HNRNPUL1: variants seen among roughly 807,000 people sequenced by gnomAD.
The protein encoded by HNRNPUL1 is heterogeneous nuclear ribonucleoprotein U-like protein 1.
A neutral mutation model predicts 108.5 loss-of-function variants in HNRNPUL1; 14 were observed. That is an observed-to-expected ratio of 0.13 (90% confidence interval 0.09 to 0.20). The LOEUF (loss-of-function observed/expected upper bound fraction) is 0.20. Among genes scored for constraint, HNRNPUL1 ranks in the 10% least tolerant of loss-of-function variants. HNRNPUL1 has a pLI of 1.00. For synonymous variants in HNRNPUL1, 422 were observed against 445.2 expected (o/e 0.95, Z 0.66); for missense variants, 804 against 1,168.3 (o/e 0.69, Z 4.55).
chr19:41,264,326 A>T (rs12975585), upstream of HNRNPUL1: 181,688 of 480,150 alleles, frequency 0.38, 36,415 homozygotes, highest in African/African-American at 0.58. Flanking sequence ...GCACTCATGT[A>T]ACATCGGACG....
intron 10 of HNRNPUL1, among the ~76,000 whole-genome samples, chr19:41,295,302 C>T (rs897455617): frequency 1.3e-5 from 2 of 152,130 alleles, no homozygotes; most frequent in South Asian, 2.1e-4. Flanking sequence ...GAGTTCTTAA[C>T]ATCAGGGACC....
At chr19:41,277,424 G>A (rs2035632282) in intron 5 of HNRNPUL1, among the ~76,000 whole-genome samples, 1 of 152,232 alleles carries the variant, frequency 6.6e-6, no homozygotes, top group East Asian at 1.9e-4. Context: ...CACCATTGAT[G>A]TAAGTTGTGC....
At chr19:41,274,099 A>G (rs367692751) in intron 4 of HNRNPUL1, 44 bp downstream of exon 4, 17 of 1,526,288 alleles carry the variant, frequency 1.1e-5, no homozygotes, top group Admixed American at 1.7e-5. Context: ...TACAGTCAGT[A>G]TGGGGAAATT....
At chr19:41,272,314 C>T in intron 3 of HNRNPUL1, 79 bp downstream of exon 3, 4 of 1,421,216 alleles carry the variant, frequency 2.8e-6, no homozygotes, top group Non-Finnish European at 3.9e-6. Flanking sequence ...GGGACATTTG[C>T]ACTAACCTAG....
At chr19:41,303,891 A>C in intron 12 of HNRNPUL1, 81 bp from the exon 13 acceptor site, 1 of 1,516,676 alleles carries the variant, frequency 6.6e-7, no homozygotes, top group Non-Finnish European at 8.9e-7. Context: ...GCCGGCTCAC[A>C]GTAGTCACCA....
At chr19:41,305,290 C>T (rs1203613507) in intron 13 of HNRNPUL1, among the ~76,000 whole-genome samples, 2 of 152,230 alleles carry the variant, frequency 1.3e-5, no homozygotes, top group Non-Finnish European at 2.9e-5. Flanking sequence ...ACAACTACCA[C>T]CACCTGTTGA....
At chr19:41,282,382 A>C (rs542249628) in intron 7 of HNRNPUL1, among the ~76,000 whole-genome samples, 293 of 152,162 alleles carry the variant, frequency 1.9e-3, no homozygotes, top group African/African-American at 6.6e-3. Flanking sequence ...GGGTTTCTCC[A>C]TGTTGGTCAG....
At chr19:41,276,581 A>T (rs1443654970) in intron 5 of HNRNPUL1, 5 of 271,842 alleles carry the variant, frequency 1.8e-5, no homozygotes, top group Admixed American at 4.7e-5. Flanking sequence ...ACATGTTTGT[A>T]GAACTGAGAA....
intron 10 of HNRNPUL1, among the ~76,000 whole-genome samples, chr19:41,295,956 T>C (rs1345149665): frequency 6.6e-6 from 1 of 152,192 alleles, no homozygotes; most frequent in African/African-American, 2.4e-5. Context: ...TGAAGATTTG[T>C]CTTTTAAACC....
rs756946285 is a variant in HNRNPUL1 at position 41,272,183 on chromosome 19, C to T, written c.520C>T (p.Pro174Ser). ...DRQQFQSRKR[P>S]YEENRGRGYF... ...GCAGCAATTCCAGAGTCGAAAGAGG[C>T]CTTATGAAGAAAACCGGGGACGGGG... Residue 174 changes from proline (P) to serine (S), a missense_variant, in exon 3 of 15, where the codon CCT becomes TCT. By Grantham distance (74) the Pro-to-Ser change is moderately conservative (BLOSUM62 -1). Around this residue, in one of 4 missense-constraint regions of HNRNPUL1, gnomAD observed 256 missense variants for 261.6 expected, o/e 0.98. Coordinates refer to ENST00000392006, the MANE Select transcript of HNRNPUL1 (RefSeq NM_007040.6). 1 of 1,614,080 alleles carries T rather than the reference C, an allele frequency of 6.2e-7. No individual in the cohort carries two copies. The highest frequency in any genetic ancestry group is 8.5e-7 in the Non-Finnish European group (1 of 1,180,008).
chr19:41,307,730 T>TG lies in HNRNPUL1; in HGVS notation c.*1170dup, dbSNP rs1447365579. 2.6e-5 allele frequency: 4 copies of TG among 152,476 alleles called. No individual in the cohort carries two copies. Among genetic ancestry groups the TG allele is most frequent in the Admixed American group, 2.6e-4 (4 of 15,252 alleles). The allele number at this position is 152,476 out of a possible 1,614,324, so 9.4% of individuals were successfully genotyped here. On this transcript the variant is annotated 3_prime_UTR_variant, in exon 15 of 15. Coordinates refer to ENST00000392006, the MANE Select transcript of HNRNPUL1 (RefSeq NM_007040.6). ...TACTGCAGTTGGCCGTTAATTGGGG[T>TG]GGGGGCCTCTTTAAAGGGAAATTAT...
At chr19:41,266,620 TGGG>T (rs1459787035) in intron 1 of HNRNPUL1, among the ~76,000 whole-genome samples, 1 of 151,606 alleles carries the variant, frequency 6.6e-6, no homozygotes. Context: ...GACTGGGAAA[TGGG>T]GGGACTGGAA....
intron 10 of HNRNPUL1, 108 bp from the exon 11 acceptor site, chr19:41,301,428 G>A (rs1315616085): frequency 1.2e-6 from 1 of 840,010 alleles, no homozygotes; most frequent in Non-Finnish European, 1.8e-6. Context: ...CTGCTTACAA[G>A]GAGCACTGAT....
intron 10 of HNRNPUL1, chr19:41,298,531 T>A (rs1280468887): frequency 1.3e-5 from 2 of 152,376 alleles, no homozygotes; most frequent in Middle Eastern, 3.4e-3. Flanking sequence ...GCTAATTCCC[T>A]TTCCTCCAGG....
At chr19:41,296,349 A>G (rs1359321613) in intron 10 of HNRNPUL1, among the ~76,000 whole-genome samples, 2 of 152,202 alleles carry the variant, frequency 1.3e-5, no homozygotes, top group Non-Finnish European at 2.9e-5. Context: ...GACAGGGTCT[A>G]GGGCTGTACC....
rs375447450 is a variant in HNRNPUL1 at position 41,304,236 on chromosome 19, C to G, written c.2237C>G (p.Thr746Ser). Residue 746 changes from threonine (T) to serine (S), a missense_variant, in exon 13 of 15, where the codon ACC becomes AGC. Thr to Ser is a moderately conservative substitution (Grantham distance 58, BLOSUM62 1). This residue lies in a region of HNRNPUL1 where 294 missense variants were observed against 388.3 expected (regional missense o/e 0.76). Coordinates refer to ENST00000392006, the MANE Select transcript of HNRNPUL1 (RefSeq NM_007040.6). ...PGSSANTSTP[T>S]VSSYSPPQPS... ...TCAAGCGCCAATACCAGCACCCCCA[C>G]CGTCAGCAGCTACAGCCCTCCACAG... 5.0e-6 allele frequency: 8 copies of G among 1,611,428 alleles called. No homozygotes were observed. In the East Asian group the frequency reaches 1.6e-4, roughly 31 times the overall value.
chr19:41,278,777 T>C (rs1238718584), intron 5 of HNRNPUL1, among the ~76,000 whole-genome samples: 1 of 152,188 alleles, frequency 6.6e-6, no homozygotes, highest in African/African-American at 2.4e-5. Flanking sequence ...GACTTCTAGA[T>C]TGCCCTCTAA....
intron 6 of HNRNPUL1, among the ~76,000 whole-genome samples, chr19:41,280,236 G>A (rs760220000): frequency 1.3e-5 from 2 of 152,172 alleles, no homozygotes; most frequent in Non-Finnish European, 2.9e-5. Flanking sequence ...ACAAGGTGGA[G>A]GAGGATGAGA....
Position 41,306,607 on chromosome 19 carries a change from C to T in HNRNPUL1, c.*42C>T. The T allele has an allele frequency of 7.7e-7, 1 of 1,296,684 alleles. No individual in the cohort carries two copies. Among genetic ancestry groups the T allele is most frequent in the Non-Finnish European group, 1.0e-6 (1 of 957,692 alleles). 80.3% of individuals were successfully genotyped at this position (1,296,684 alleles called of 1,614,324 possible). A position where few individuals can be genotyped will look rare whatever the true frequency, so the allele number is the denominator to read the frequency against. On this transcript the variant is annotated 3_prime_UTR_variant, in exon 15 of 15. Coordinates refer to ENST00000392006, the MANE Select transcript of HNRNPUL1 (RefSeq NM_007040.6). Reference sequence around the variant, plus strand: ...GCTCCCGGAGGCCCCTGCCGGCTTCCTCCACCAGCGCCTGCCTCGGCCCCT... The same window carrying T: ...GCTCCCGGAGGCCCCTGCCGGCTTCTTCCACCAGCGCCTGCCTCGGCCCCT...
Sources: gnomAD v4.1 joint callset for allele counts (sites outside exome capture counted in the v4.1 genomes callset) on GRCh38, gnomAD v4.1.1 for gene constraint, gnomAD v4.1.1 regional missense constraint, MANE v1.5 for transcripts, NCBI Gene and HGNC (gene_info 2026-07-23, HGNC 2026-07-21) for gene names.